Variants in LPP observed in about 807,000 individuals in gnomAD.
LPP encodes lipoma-preferred partner.
LPP carries 38 observed loss-of-function variants against 60.4 expected under a neutral mutation model. The ratio of observed to expected loss-of-function variants is 0.63; its 90% CI spans 0.49 to 0.83. LPP has a LOEUF of 0.83. LPP is among the 40% of genes least tolerant of loss of function. LPP has a pLI of 0.00. For synonymous variants in LPP, 328 were observed against 290.8 expected (o/e 1.13, Z -1.30); for missense variants, 902 against 783.6 (o/e 1.15, Z -1.80).
At chr3:188,540,392 T>G (rs1180354612) in intron 6 of LPP, among the ~76,000 whole-genome samples, 1 of 152,246 alleles carries the variant, frequency 6.6e-6, no homozygotes, top group Admixed American at 6.5e-5. Context: ...ATTTGTTATA[T>G]GCAAACATAA....
intron 6 of LPP, among the ~76,000 whole-genome samples, chr3:188,564,924 A>G (rs907806187): frequency 2.5e-4 from 38 of 152,034 alleles, no homozygotes; most frequent in East Asian, 9.7e-4. Context: ...TGTTCGTTAT[A>G]TGATGTCCTC....
intron 5 of LPP, among the ~76,000 whole-genome samples, chr3:188,497,188 G>A (rs1810483814): frequency 6.6e-6 from 1 of 152,028 alleles, no homozygotes; most frequent in African/African-American, 2.4e-5. Context: ...AAAGGAGTGT[G>A]AATCTATCCT....
chr3:188,446,339 A>T (rs1238332108), intron 4 of LPP, among the ~76,000 whole-genome samples: 1 of 152,114 alleles, frequency 6.6e-6, no homozygotes, highest in Non-Finnish European at 1.5e-5. Flanking sequence ...TCTTTCTGCC[A>T]CTCTCCAGAC....
At chr3:188,373,324 A>C (rs1365878793) in intron 3 of LPP, among the ~76,000 whole-genome samples, 4 of 152,168 alleles carry the variant, frequency 2.6e-5, no homozygotes, top group South Asian at 4.1e-4. Context: ...GTCCCACCAA[A>C]AGTGTAAAAG....
chr3:188,545,744 A>T (rs1456124281), intron 6 of LPP, among the ~76,000 whole-genome samples: 1 of 152,130 alleles, frequency 6.6e-6, no homozygotes, highest in East Asian at 1.9e-4. Flanking sequence ...GCCAAGTATC[A>T]CAAGAGAGAA....
intron 1 of LPP, among the ~76,000 whole-genome samples, chr3:188,157,427 T>A (rs1469226364): frequency 6.6e-6 from 1 of 152,164 alleles, no homozygotes; most frequent in Non-Finnish European, 1.5e-5. Context: ...ATTTCAGAAC[T>A]ATGCTGAAGA....
At chr3:188,429,839 G>T (rs1009137446) in intron 4 of LPP, among the ~76,000 whole-genome samples, 8 of 152,152 alleles carry the variant, frequency 5.3e-5, no homozygotes, top group Admixed American at 5.2e-4. Flanking sequence ...GAATGGTAAG[G>T]TTCTCTCAGA....
chr3:188,187,899 CTCTT>C (rs145956349), intron 1 of LPP, among the ~76,000 whole-genome samples: 2,756 of 152,010 alleles, frequency 0.018, 57 homozygotes, highest in African/African-American at 0.063. Context: ...GTTTTGTTTG[CTCTT>C]TCTTTTTTTT....
intron 3 of LPP, among the ~76,000 whole-genome samples, chr3:188,398,706 T>A (rs1049726211): frequency 6.6e-6 from 1 of 152,262 alleles, no homozygotes; most frequent in African/African-American, 2.4e-5. Context: ...TTCAATGCTG[T>A]CTTCCCACGC....
intron 7 of LPP, among the ~76,000 whole-genome samples, chr3:188,658,948 G>T (rs138181856): frequency 6.6e-6 from 1 of 152,088 alleles, no homozygotes; most frequent in Non-Finnish European, 1.5e-5. Context: ...CTGCAAAAAT[G>T]GATTTAATGA....
At chr3:188,496,327 C>G (rs1810198039) in intron 5 of LPP, among the ~76,000 whole-genome samples, 1 of 152,128 alleles carries the variant, frequency 6.6e-6, no homozygotes, top group African/African-American at 2.4e-5. Context: ...CAAGGTTTCA[C>G]CATGTTGGCC....
intron 2 of LPP, among the ~76,000 whole-genome samples, chr3:188,309,220 C>T (rs1752611895): frequency 6.6e-6 from 1 of 151,904 alleles, no homozygotes. Context: ...GGGGTTTCAC[C>T]ATATTGGCCA....
chr3:188,609,784 CAAG>C lies in LPP; in HGVS notation c.1058_1060del (p.Lys353del), dbSNP rs1843288208. On this transcript the variant is annotated inframe_deletion, in exon 7 of 12. Transcript: ENST00000617246. The surrounding 1 kb of genome is among the most constrained non-coding windows in gnomAD (Gnocchi z 6.9). ...CTGGGATGTATCCAGTCACTGGTCCCAAGAAGACCTATATCACAGATCCTGTTT... is the reference window on the plus strand; with the variant it reads ...CTGGGATGTATCCAGTCACTGGTCCCAAGACCTATATCACAGATCCTGTTT... The C allele has an allele frequency of 5.6e-6, 9 of 1,613,984 alleles. No homozygotes were observed. The highest frequency in any genetic ancestry group is 7.6e-6 in the Non-Finnish European group (9 of 1,179,970).
At chr3:188,773,674 A>G (rs987089252) in intron 9 of LPP, among the ~76,000 whole-genome samples, 2 of 152,268 alleles carry the variant, frequency 1.3e-5, no homozygotes, top group African/African-American at 4.8e-5. Flanking sequence ...ATAAAATTGA[A>G]TCTTCTAAAA....
chr3:188,495,063 T>TA (rs1483251669), intron 5 of LPP, among the ~76,000 whole-genome samples: 8 of 82,322 alleles, frequency 9.7e-5, no homozygotes, highest in Admixed American at 1.8e-4. Flanking sequence ...GGTTCAGGAT[T>TA]TTATATATAT....
At chr3:188,257,226 A>G (rs548670146) in intron 2 of LPP, among the ~76,000 whole-genome samples, 1 of 152,200 alleles carries the variant, frequency 6.6e-6, no homozygotes, top group Admixed American at 6.5e-5. Flanking sequence ...AGAAGTGTTG[A>G]TAAGCTCATT....
intron 3 of LPP, among the ~76,000 whole-genome samples, chr3:188,391,465 A>T (rs1192810662): frequency 6.6e-6 from 1 of 152,052 alleles, no homozygotes; most frequent in Non-Finnish European, 1.5e-5. Flanking sequence ...ATCTTGAGGG[A>T]GTTTGTAAGG....
chr3:188,601,344 T>C (rs537456740), intron 6 of LPP, among the ~76,000 whole-genome samples: 2 of 152,342 alleles, frequency 1.3e-5, no homozygotes, highest in African/African-American at 4.8e-5. Flanking sequence ...GTCATTTCCA[T>C]AGGCTAAATT....
chr3:188,636,479 A>C (rs1037729610), intron 7 of LPP, among the ~76,000 whole-genome samples: 11 of 152,060 alleles, frequency 7.2e-5, no homozygotes, highest in Non-Finnish European at 1.3e-4. Flanking sequence ...AGACTGGGGG[A>C]GGGGCGCCCA....
Sources: allele counts gnomAD v4.1 joint callset (sites outside exome capture counted in the v4.1 genomes callset), GRCh38; gene constraint gnomAD v4.1.1; non-coding constraint Gnocchi (gnomAD v3.1); transcripts MANE v1.5; gene names NCBI Gene and HGNC (gene_info 2026-07-23, HGNC 2026-07-21).